The following CTNNA2 variants were observed in gnomAD, a reference collection of about 807,000 sequenced individuals.
CTNNA2 encodes the protein catenin alpha-2.
In CTNNA2, 42 loss-of-function variants were observed where a neutral mutation model predicts 101.0. The observed-to-expected ratio is 0.42, with a 90% confidence interval of 0.32 to 0.54. The LOEUF (loss-of-function observed/expected upper bound fraction) is 0.54. Among genes scored for constraint, CTNNA2 ranks in the 20% least tolerant of loss-of-function variants. The pLI, the probability that CTNNA2 is intolerant of heterozygous loss-of-function variation, is 0.14. For synonymous variants in CTNNA2, 450 were observed against 456.4 expected (o/e 0.99, Z 0.18); for missense variants, 871 against 1,223.1 (o/e 0.71, Z 4.29).
At chr2:79,329,271 G>A (rs1278315995) in intron 3 of CTNNA2, among the ~76,000 whole-genome samples, 1 of 152,046 alleles carries the variant, frequency 6.6e-6, no homozygotes, top group Admixed American at 6.6e-5. Context: ...CAGTTGTTCT[G>A]TTCCTAGAAA....
intron 1 of CTNNA2, among the ~76,000 whole-genome samples, chr2:79,532,331 G>C (rs1414895847): frequency 6.6e-6 from 1 of 152,052 alleles, no homozygotes; most frequent in Non-Finnish European, 1.5e-5. Context: ...TGACGACTCT[G>C]ACCCCTGTGA....
intron 7 of CTNNA2, among the ~76,000 whole-genome samples, chr2:79,954,046 T>G (rs1689057384): frequency 6.6e-6 from 1 of 152,156 alleles, no homozygotes; most frequent in South Asian, 2.1e-4. Context: ...TCTGCATGGC[T>G]GAAGAGGCCT....
chr2:79,294,238 AGAG>A lies in CTNNA2; in HGVS notation c.-405-18449_-405-18447del, dbSNP rs369054802. On this transcript the variant is annotated intron_variant, in intron 2 of 21. Transcript: ENST00000466387. The stretch of plus-strand genomic sequence containing the variant: ...AGGAAGAAGAAGAAGAAGAAGAAGA[AGAG>A]GAGGAGGAGGAGGAGGAGGAGAAGT... Among the ~76,000 whole-genome samples the A allele has an allele frequency of 7.7e-3, 1,161 of 149,814 alleles. 16 individuals carry two copies. The highest frequency in any genetic ancestry group is 0.024 in the African/African-American group (969 of 40,798).
At chr2:80,576,372 C>A (rs1368847238) in intron 13 of CTNNA2, 2 of 11,656 alleles carry the variant, frequency 1.7e-4, no homozygotes, top group East Asian at 5.0e-3. Flanking sequence ...TCCATGAAAC[C>A]ATTTTTTTTT....
chr2:80,432,567 A>T (rs1029767220), intron 9 of CTNNA2, among the ~76,000 whole-genome samples: 3 of 152,204 alleles, frequency 2.0e-5, no homozygotes, highest in Non-Finnish European at 2.9e-5. Flanking sequence ...GTGGCCACCA[A>T]AATATAGTTA....
intron 7 of CTNNA2, among the ~76,000 whole-genome samples, chr2:79,961,758 C>T (rs1479390261): frequency 2.7e-5 from 4 of 148,798 alleles, no homozygotes; most frequent in Non-Finnish European, 5.9e-5. Context: ...GGGGGCAGAG[C>T]CTGCGGTGAG....
intron 8 of CTNNA2, among the ~76,000 whole-genome samples, chr2:80,418,696 T>C (rs1159300150): frequency 6.6e-6 from 1 of 152,178 alleles, no homozygotes; most frequent in African/African-American, 2.4e-5. Context: ...TCTGTTTATT[T>C]TTATGTATAT....
At chr2:79,836,154 C>T (rs760224805) in intron 3 of CTNNA2, among the ~76,000 whole-genome samples, 9 of 152,244 alleles carry the variant, frequency 5.9e-5, no homozygotes, top group Non-Finnish European at 1.0e-4. Flanking sequence ...AGCTTCAGAT[C>T]CTCTTGGCAA....
intron 7 of CTNNA2, among the ~76,000 whole-genome samples, chr2:80,095,036 C>CTATGTTGAA (rs1434437129): frequency 6.6e-6 from 1 of 152,148 alleles, no homozygotes; most frequent in Non-Finnish European, 1.5e-5. Context: ...ACTTCCAACA[C>CTATGTTGAA]TATGTTGAAT....
chr2:79,416,257 C>CTTTTTTTTTT (rs66830925), intron 4 of CTNNA2, among the ~76,000 whole-genome samples: 3 of 94,608 alleles, frequency 3.2e-5, no homozygotes, highest in Non-Finnish European at 4.2e-5. Flanking sequence ...CTTTCCTTTT[C>CTTTTTTTTTT]TTTTTTTTTT....
intron 9 of CTNNA2, among the ~76,000 whole-genome samples, chr2:80,530,912 T>G (rs1690481069): frequency 6.6e-6 from 1 of 152,096 alleles, no homozygotes; most frequent in Non-Finnish European, 1.5e-5. Flanking sequence ...GAATTAAAAC[T>G]TCATGAGAGA....
At chr2:80,124,170 C>G (rs1054466236) in intron 7 of CTNNA2, among the ~76,000 whole-genome samples, 1 of 152,158 alleles carries the variant, frequency 6.6e-6, no homozygotes, top group East Asian at 1.9e-4. Context: ...TGAGCGAAGT[C>G]TTGGTGGCAT....
At chr2:79,316,140 C>T (rs1280568483) in intron 3 of CTNNA2, among the ~76,000 whole-genome samples, 1 of 151,922 alleles carries the variant, frequency 6.6e-6, no homozygotes, top group Non-Finnish European at 1.5e-5. Context: ...GGAAGGTGTC[C>T]AAATTCATGC....
intron 4 of CTNNA2, among the ~76,000 whole-genome samples, chr2:79,448,393 T>C (rs975308829): frequency 2.0e-5 from 3 of 152,126 alleles, no homozygotes; most frequent in African/African-American, 7.2e-5. Flanking sequence ...ATGCATTATG[T>C]TTTGATATAT....
In CTNNA2 at chr2:80,200,321, C is replaced by T. The variant is rs116429361; in HGVS notation, c.1057-192890C>T. Reference sequence around the variant, plus strand: ...GACGACTAGCTTAAAGTTCATGAGGCCCGGAAGGGATGAACCTAGAATATA... The same window carrying T: ...GACGACTAGCTTAAAGTTCATGAGGTCCGGAAGGGATGAACCTAGAATATA... On this transcript the variant is annotated intron_variant, in intron 7 of 18. Transcript: ENST00000402739. 5.2e-3 allele frequency among the ~76,000 whole-genome samples: 788 copies of T among 152,204 alleles called. 5 individuals carry two copies. Among genetic ancestry groups the T allele is most frequent in the African/African-American group, 0.018 (732 of 41,522 alleles).
At chr2:80,573,542 C>A (rs1694784837) in intron 12 of CTNNA2, among the ~76,000 whole-genome samples, 1 of 152,056 alleles carries the variant, frequency 6.6e-6, no homozygotes, top group Admixed American at 6.6e-5. Flanking sequence ...TCCACCCTCC[C>A]CTCCCCCATG....
chr2:79,565,267 CAG>C (rs1675039213), intron 1 of CTNNA2, among the ~76,000 whole-genome samples: 1 of 150,868 alleles, frequency 6.6e-6, no homozygotes, highest in Non-Finnish European at 1.5e-5. Context: ...AAAAAGGAAA[CAG>C]GGACTCTCAG....
intron 2 of CTNNA2, among the ~76,000 whole-genome samples, chr2:79,305,371 C>CATATATATATATATATATATAT (rs1676214570): frequency 1.5e-5 from 2 of 136,100 alleles, no homozygotes; most frequent in African/African-American, 5.5e-5. Flanking sequence ...CATATATATA[C>CATATATATATATATATATATAT]ACATATATAT....
chr2:80,097,370 G>T (rs1005404085), intron 7 of CTNNA2, among the ~76,000 whole-genome samples: 1 of 152,192 alleles, frequency 6.6e-6, no homozygotes, highest in African/African-American at 2.4e-5. Context: ...TCTGCCGAGA[G>T]ATCAGCTGTT....
Sources: allele counts gnomAD v4.1 joint callset (sites outside exome capture counted in the v4.1 genomes callset), GRCh38; gene constraint gnomAD v4.1.1; transcripts MANE v1.5; gene names NCBI Gene and HGNC (gene_info 2026-07-23, HGNC 2026-07-21).